The following RNF111 variants were observed in gnomAD, a reference collection of about 807,000 sequenced individuals.
RNF111 encodes E3 ubiquitin-protein ligase Arkadia.
Under a neutral mutation model 95.1 loss-of-function variants are expected in RNF111, and 17 were observed. The observed-to-expected ratio is 0.18, with a 90% CI of 0.12 to 0.27. RNF111 has a LOEUF of 0.27. Among genes scored for constraint, RNF111 ranks in the 10% least tolerant of loss-of-function variants. The pLI is 1.00. For missense variants in RNF111, 1,189 were observed against 1,210.4 expected (o/e 0.98, Z 0.26); for synonymous variants, 440 against 414.8 (o/e 1.06, Z -0.74).
intron 1 of RNF111, among the ~76,000 whole-genome samples, chr15:59,030,051 A>C (rs1301481857): frequency 1.3e-5 from 2 of 152,204 alleles, no homozygotes; most frequent in Non-Finnish European, 2.9e-5. Flanking sequence ...CTTTAAATTC[A>C]GATCTCTTTT....
Position 59,015,745 on chromosome 15 carries a change from A to G in RNF111, c.-19-15059A>G, listed in dbSNP as rs73416826. On this transcript the variant is annotated intron_variant, in intron 1 of 13. Coordinates refer to ENST00000348370, the MANE Select transcript of RNF111 (RefSeq NM_017610.8). ...CCCACCGTCACCCTGTGCATCCTTC[A>G]TGGTTTGACTTGGATGTGACTTTCT... is the stretch of plus-strand genomic sequence containing the variant. Among the ~76,000 whole-genome samples, 1,271 of 152,024 alleles carry G rather than the reference A, an allele frequency of 8.4e-3. 18 individuals carry two copies. The highest frequency in any genetic ancestry group is 0.029 in the African/African-American group (1,213 of 41,464).
Position 59,049,061 on chromosome 15 carries a change from C to T in RNF111, c.881-3244C>T, listed in dbSNP as rs149813353. On this transcript the variant is annotated intron_variant, in intron 2 of 13. Coordinates refer to ENST00000348370, the MANE Select transcript of RNF111 (RefSeq NM_017610.8). Reference sequence around the variant, plus strand: ...CGGCATGAGCGTGATTGTGCCCCTACACTCTAGCCTGACCCTGTCTCACAC... The same window carrying T: ...CGGCATGAGCGTGATTGTGCCCCTATACTCTAGCCTGACCCTGTCTCACAC... Among the ~76,000 whole-genome samples, 702 of 152,264 alleles carry T rather than the reference C, an allele frequency of 4.6e-3. 9 individuals are homozygous for T. Among genetic ancestry groups the T allele is most frequent in the Non-Finnish European group, 4.0e-3 (273 of 68,008 alleles).
chr15:58,997,147 A>G (rs2039111842), intron 1 of RNF111, among the ~76,000 whole-genome samples: 1 of 152,148 alleles, frequency 6.6e-6, no homozygotes, highest in Non-Finnish European at 1.5e-5. Flanking sequence ...AGGTACAAAG[A>G]ATGTACAGGG....
chr15:59,033,648 T>G (rs2041023124), intron 2 of RNF111, among the ~76,000 whole-genome samples: 2 of 152,148 alleles, frequency 1.3e-5, no homozygotes, highest in Admixed American at 1.3e-4. Context: ...AGCTGATGTT[T>G]ATAGGGGAAT....
At chr15:59,074,382 A>G (rs1465436265) in intron 6 of RNF111, among the ~76,000 whole-genome samples, 4 of 152,180 alleles carry the variant, frequency 2.6e-5, no homozygotes, top group African/African-American at 7.2e-5. Flanking sequence ...TCTGTTATTC[A>G]CTGTAGCACT....
intron 1 of RNF111, among the ~76,000 whole-genome samples, chr15:58,999,948 A>G (rs868606077): frequency 6.6e-6 from 1 of 152,144 alleles, no homozygotes; most frequent in African/African-American, 2.4e-5. Flanking sequence ...TGAGAACTCC[A>G]TAATGAGAAC....
chr15:59,021,809 C>A (rs1391440814), intron 1 of RNF111, among the ~76,000 whole-genome samples: 2 of 152,072 alleles, frequency 1.3e-5, no homozygotes, highest in Non-Finnish European at 2.9e-5. Flanking sequence ...TCACTTGTTT[C>A]CTAGATTTAC....
intron 1 of RNF111, among the ~76,000 whole-genome samples, chr15:59,018,700 G>C (rs2040188159): frequency 6.6e-6 from 1 of 152,072 alleles, no homozygotes; most frequent in African/African-American, 2.4e-5. Flanking sequence ...TTACGAAGAA[G>C]AATCCTATAA....
chr15:59,045,235 G>A (rs1392383539), intron 2 of RNF111, among the ~76,000 whole-genome samples: 5 of 150,260 alleles, frequency 3.3e-5, no homozygotes, highest in Non-Finnish European at 7.4e-5. Context: ...TGTCACCCAG[G>A]CCTGGAGTGC....
intron 2 of RNF111, among the ~76,000 whole-genome samples, chr15:59,033,571 A>G (rs1319282665): frequency 1.3e-5 from 2 of 152,198 alleles, no homozygotes; most frequent in South Asian, 2.1e-4. Flanking sequence ...GAGTGAGTAC[A>G]GCAGAGCTCA....
chr15:59,019,339 G>A (rs2040221410), intron 1 of RNF111, among the ~76,000 whole-genome samples: 1 of 151,868 alleles, frequency 6.6e-6, no homozygotes, highest in Admixed American at 6.6e-5. Context: ...ATATATTCAG[G>A]CCATTTGAAA....
At chr15:59,057,965 G>T (rs144803836) in intron 4 of RNF111, among the ~76,000 whole-genome samples, 73 of 152,308 alleles carry the variant, frequency 4.8e-4, no homozygotes, top group Non-Finnish European at 9.6e-4. Flanking sequence ...TCCATATTGT[G>T]TCAGACAGTG....
rs1237718628 is a variant in RNF111 at position 59,051,814 on chromosome 15, TAAAC to T, written c.881-487_881-484del. On this transcript the variant is annotated intron_variant, in intron 2 of 13. Coordinates refer to ENST00000348370, the MANE Select transcript of RNF111 (RefSeq NM_017610.8). ...ATAAATAAATAAATAAATGAATAAA[TAAAC>T]AAATGACAAATTTCATAACATAAAA... 7.3e-5 allele frequency among the ~76,000 whole-genome samples: 11 copies of T among 151,636 alleles called. No homozygotes were observed. In the South Asian group the frequency reaches 1.5e-3, roughly 20 times the overall value.
intron 1 of RNF111, among the ~76,000 whole-genome samples, chr15:59,018,680 A>G (rs937488578): frequency 6.6e-5 from 10 of 152,294 alleles, no homozygotes; most frequent in Middle Eastern, 3.4e-3. Flanking sequence ...ATATATTAAT[A>G]TAAGTTGTTT....
chr15:59,043,345 G>A (rs555822562), intron 2 of RNF111, among the ~76,000 whole-genome samples: 1 of 152,072 alleles, frequency 6.6e-6, no homozygotes, highest in South Asian at 2.1e-4. Flanking sequence ...TGGTAGAGAC[G>A]GGGTTTTCAC....
At chr15:59,027,823 G>T (rs1596128272) in intron 1 of RNF111, among the ~76,000 whole-genome samples, 2 of 149,730 alleles carry the variant, frequency 1.3e-5, no homozygotes, top group East Asian at 3.9e-4. Context: ...GTGAGCCACT[G>T]CACCTGGCCC....
At position 58,996,664 on chromosome 15, in the gene RNF111, T is replaced by G. The variant is rs1421957196; in HGVS notation, c.-20+8596T>G. ...TCAGTACTTTCTTTTTTTTTTTTTT[T>G]TTTTTTTTTTTTTTACCCAGGCAGT... is the stretch of plus-strand genomic sequence containing the variant. On this transcript the variant is annotated intron_variant, in intron 1 of 13. Coordinates refer to ENST00000348370, the MANE Select transcript of RNF111 (RefSeq NM_017610.8). Among the ~76,000 whole-genome samples the G allele has an allele frequency of 3.1e-4, 46 of 148,752 alleles. No individual in the cohort carries two copies. The South Asian group carries it at 9.7e-3, about 31-fold the overall frequency.
chr15:59,080,694 T>C (rs1405309705), intron 7 of RNF111, among the ~76,000 whole-genome samples: 1 of 152,150 alleles, frequency 6.6e-6, no homozygotes, highest in East Asian at 1.9e-4. Context: ...TGTGTTCATA[T>C]AATAGAATGT....
chr15:59,083,073 C>T (rs61690767), intron 8 of RNF111, among the ~76,000 whole-genome samples: 9,776 of 151,758 alleles, frequency 0.064, 465 homozygotes, highest in Admixed American at 0.17. Context: ...CACTTAAGCC[C>T]GGGAGTTCAG....
Sources: gnomAD v4.1 joint callset for allele counts (sites outside exome capture counted in the v4.1 genomes callset) on GRCh38, gnomAD v4.1.1 for gene constraint, MANE v1.5 for transcripts, NCBI Gene and HGNC (gene_info 2026-07-23, HGNC 2026-07-21) for gene names.